Variants in PRH1 observed in about 807,000 individuals in gnomAD.
PRH1 encodes the protein proline rich protein HaeIII subfamily 1, also known as salivary acidic proline-rich phosphoprotein 1/2.
Under a neutral mutation model 7.9 loss-of-function variants are expected in PRH1, and 7 were observed. The observed-to-expected ratio is 0.89, with a 90% CI of 0.50 to 1.67. PRH1 has a LOEUF of 1.67. Among genes scored for constraint, PRH1 ranks in the 40% most tolerant of loss-of-function variants. The probability of loss-of-function intolerance (pLI) is 0.00; values close to 1 mark genes in which losing one functional copy is unlikely to be tolerated. For missense variants in PRH1, 109 were observed against 223.6 expected, an observed-to-expected ratio of 0.49 and a Z score of 3.27; for synonymous variants, 45 against 80.8, an observed-to-expected ratio of 0.56 and a Z score of 2.38.
At chr12:10,967,230 C>CTAA (rs1167715955) in intron 2 of PRH1, among the ~76,000 whole-genome samples, 6 of 152,028 alleles carry the variant, frequency 3.9e-5, no homozygotes, top group Non-Finnish European at 5.9e-5. Flanking sequence ...CACTTCAACT[C>CTAA]TCTTAGAGTT....
intron 1 of PRH1, among the ~76,000 whole-genome samples, chr12:11,086,111 C>CT (rs200672000): frequency 3.6e-5 from 1 of 27,506 alleles, no homozygotes; most frequent in East Asian, 2.4e-3. Flanking sequence ...CATTCCCCCC[C>CT]CCACACACAC....
chr12:11,090,544 T>C (rs1944845209), intron 1 of PRH1, among the ~76,000 whole-genome samples: 1 of 115,892 alleles, frequency 8.6e-6, no homozygotes, highest in South Asian at 2.3e-4. Flanking sequence ...ATCAAGATCA[T>C]GATCATGATG....
intron 1 of PRH1, among the ~76,000 whole-genome samples, chr12:11,011,633 G>C (rs1008856063): frequency 1.4e-4 from 21 of 152,014 alleles, no homozygotes; most frequent in Admixed American, 1.3e-3. Flanking sequence ...CTGTCATATG[G>C]AACTTGGTCA....
chr12:10,904,954 A>G (rs748007405), intron 2 of PRH1, among the ~76,000 whole-genome samples: 1 of 152,080 alleles, frequency 6.6e-6, no homozygotes, highest in African/African-American at 2.4e-5. Context: ...AGAGACACGC[A>G]AATCAAAACC....
intron 1 of PRH1, among the ~76,000 whole-genome samples, chr12:10,992,168 G>C (rs140062199): frequency 1.3e-5 from 2 of 151,964 alleles, no homozygotes; most frequent in Non-Finnish European, 2.9e-5. Context: ...ACATGCCCTC[G>C]GTAAACAACA....
chr12:11,022,380 GAAT>G, intron 1 of PRH1: 1 of 1,571,148 alleles, frequency 6.4e-7, no homozygotes, highest in Non-Finnish European at 8.6e-7. Flanking sequence ...CATACCAAAG[GAAT>G]AACATGACCC....
intron 1 of PRH1, among the ~76,000 whole-genome samples, chr12:11,080,039 T>C (rs1341235721): frequency 7.9e-6 from 1 of 126,482 alleles, no homozygotes; most frequent in African/African-American, 2.7e-5. Context: ...CATGGAACAT[T>C]GCTAAAAGCC....
At chr12:11,090,036 G>A (rs117979497) in intron 1 of PRH1, among the ~76,000 whole-genome samples, 960 of 84,816 alleles carry the variant, frequency 0.011, 1 homozygote, top group Admixed American at 0.016. Context: ...TACCACATCA[G>A]CTTACCCATT....
Position 11,022,496 on chromosome 12 carries a change from A to G in PRH1, c.-126+24524T>C. The stretch of plus-strand genomic sequence containing the variant: ...TCAATGACATTTACTAGGGCTATGA[A>G]GCCATTGGCAACATTTCCAAGAACA... On this transcript the variant is annotated intron_variant, in intron 1 of 3. Coordinates refer to the PRH1 transcript ENST00000539853. 4 of 1,613,764 alleles carry G rather than the reference A, an allele frequency of 2.5e-6. No individual in the cohort carries two copies. The East Asian group carries it at 8.9e-5, about 36-fold the overall frequency.
chr12:11,065,081 GA>G (rs1205211122), intron 1 of PRH1, among the ~76,000 whole-genome samples: 7 of 151,796 alleles, frequency 4.6e-5, no homozygotes, highest in Admixed American at 1.3e-4. Flanking sequence ...TCTATTATCT[GA>G]AAAAAATATC....
At chr12:10,986,202 C>A in intron 1 of PRH1, 2 of 1,614,072 alleles carry the variant, frequency 1.2e-6, no homozygotes, top group Non-Finnish European at 8.5e-7. Flanking sequence ...GACCTTGGTG[C>A]TGAGATCTTG....
At position 11,096,149 on chromosome 12, in the gene PRH1, TC is replaced by T. The variant is rs1252018645; in HGVS notation, n.124-48962del. Among the ~76,000 whole-genome samples the T allele has an allele frequency of 2.6e-5, 3 of 116,296 alleles. 1 individual carries two copies. Among genetic ancestry groups the T allele is most frequent in the Non-Finnish European group, 6.1e-5 (3 of 49,120 alleles). The allele number at this position is 116,296 out of a possible 152,430, so 76.3% of individuals were successfully genotyped here. Reference sequence around the variant, plus strand: ...CTTTTGGAAAAATCTCCACATTGCTTCTGCCCCATTTGCTCTCTTCTAATCT... The same window carrying T: ...CTTTTGGAAAAATCTCCACATTGCTTTGCCCCATTTGCTCTCTTCTAATCT... On this transcript the variant is annotated intron_variant and non_coding_transcript_variant, in intron 1 of 4. Coordinates refer to the PRH1 transcript ENST00000541977.
At chr12:11,152,393 A>G (rs916064997) in intron 1 of PRH1, among the ~76,000 whole-genome samples, 8 of 152,098 alleles carry the variant, frequency 5.3e-5, no homozygotes, top group African/African-American at 1.9e-4. Flanking sequence ...ATTTCTTCAC[A>G]AGAAAATTTT....
chr12:11,098,293 ATGT>A (rs1213920831), intron 1 of PRH1, among the ~76,000 whole-genome samples: 7 of 151,096 alleles, frequency 4.6e-5, no homozygotes, highest in Non-Finnish European at 1.0e-4. Flanking sequence ...TTACTTTTAA[ATGT>A]TGTGACCAGT....
chr12:11,167,276 T>C (rs1947608651), intron 1 of PRH1, among the ~76,000 whole-genome samples: 1 of 152,154 alleles, frequency 6.6e-6, no homozygotes, highest in Non-Finnish European at 1.5e-5. Context: ...CACTCCTGTG[T>C]CTGGGGCTCC....
At chr12:11,143,200 GA>G (rs1450187522) in intron 1 of PRH1, among the ~76,000 whole-genome samples, 1 of 152,194 alleles carries the variant, frequency 6.6e-6, no homozygotes, top group African/African-American at 2.4e-5. Context: ...TAAAAACTGA[GA>G]AGATGGTGTT....
intron 1 of PRH1, among the ~76,000 whole-genome samples, chr12:11,094,559 G>A (rs1402557701): frequency 8.7e-6 from 1 of 114,374 alleles, no homozygotes; most frequent in African/African-American, 2.9e-5. Flanking sequence ...GGAAAGATCT[G>A]GGGGTGGCAG....
chr12:11,070,851 G>A (rs1192216650), intron 1 of PRH1, among the ~76,000 whole-genome samples: 1 of 84,332 alleles, frequency 1.2e-5, no homozygotes, highest in Non-Finnish European at 3.0e-5. Flanking sequence ...GGCTTTTTCA[G>A]AGAGACAGTC....
chr12:10,938,121 T>C (rs988853967), intron 2 of PRH1: 20 of 610,902 alleles, frequency 3.3e-5, no homozygotes, highest in Middle Eastern at 4.4e-4. Context: ...ATTTGTGATA[T>C]GTTTGGATGG....
Sources: allele counts gnomAD v4.1 joint callset (sites outside exome capture counted in the v4.1 genomes callset), GRCh38; gene constraint gnomAD v4.1.1; transcripts MANE v1.5; gene names NCBI Gene and HGNC (gene_info 2026-07-23, HGNC 2026-07-21).